The following IRAG1 variants were observed in gnomAD, a reference collection of about 807,000 sequenced individuals.
IRAG1 encodes IP3R-associated cGMP kinase substrate.
IRAG1 carries 62 observed loss-of-function variants against 106.2 expected under a neutral mutation model. The ratio of observed to expected loss-of-function variants is 0.58; its 90% CI spans 0.48 to 0.72. The LOEUF (loss-of-function observed/expected upper bound fraction) is 0.72, where lower values mean the gene tolerates loss of function less well. Among genes scored for constraint, IRAG1 ranks in the 30% least tolerant of loss-of-function variants. The pLI, the probability that IRAG1 is intolerant of heterozygous loss-of-function variation, is 0.00. For missense variants in IRAG1, 1,064 were observed against 1,140.7 expected (o/e 0.93, Z 0.97); for synonymous variants, 462 against 443.9 (o/e 1.04, Z -0.51).
chr11:10,680,366 A>AAGGAAGG, intron 1 of IRAG1, among the ~76,000 whole-genome samples: 1 of 94,412 alleles, frequency 1.1e-5, no homozygotes, highest in East Asian at 5.3e-4. Flanking sequence ...AGAAAGAAAG[A>AAGGAAGG]AAGAAGGAAG....
At chr11:10,677,040 A>C (rs1242815863) in intron 1 of IRAG1, among the ~76,000 whole-genome samples, 1 of 152,176 alleles carries the variant, frequency 6.6e-6, no homozygotes, top group Non-Finnish European at 1.5e-5. Context: ...ATCATGTCCC[A>C]ACTTCCTCAG....
At chr11:10,692,121 T>G (rs1193962361) in intron 1 of IRAG1, among the ~76,000 whole-genome samples, 1 of 152,166 alleles carries the variant, frequency 6.6e-6, no homozygotes, top group African/African-American at 2.4e-5. Context: ...GATACAGGAA[T>G]GCCTCCCTTA....
chr11:10,601,236 G>A (rs897941930), intron 14 of IRAG1, among the ~76,000 whole-genome samples, 177 bp from the exon 15 acceptor site: 1 of 152,212 alleles, frequency 6.6e-6, no homozygotes, highest in Admixed American at 6.5e-5. Context: ...CAGCACCTGC[G>A]CTTAGGGAGA....
intron 1 of IRAG1, among the ~76,000 whole-genome samples, chr11:10,670,876 C>A (rs759099112): frequency 3.3e-4 from 50 of 152,176 alleles, no homozygotes; most frequent in Non-Finnish European, 6.6e-4. Flanking sequence ...GAAACCAGAC[C>A]TGCTGATACC....
intron 1 of IRAG1, among the ~76,000 whole-genome samples, chr11:10,667,080 G>A (rs528773529): frequency 9.2e-5 from 14 of 152,216 alleles, no homozygotes; most frequent in South Asian, 2.1e-4. Flanking sequence ...ATAGAATGTA[G>A]AGGAATGTAG....
chr11:10,580,353 G>C, intron 20 of IRAG1, 102 bp downstream of exon 20: 1 of 1,526,840 alleles, frequency 6.5e-7, no homozygotes, highest in South Asian at 1.3e-5. Context: ...CAGATTCACT[G>C]CTGCCCTGGA....
At chr11:10,616,052 T>G (rs1050902365) in intron 10 of IRAG1, among the ~76,000 whole-genome samples, 10 of 151,690 alleles carry the variant, frequency 6.6e-5, no homozygotes, top group African/African-American at 2.2e-4. Context: ...TCGCCTGTAA[T>G]CTCAGCCCTT....
intron 10 of IRAG1, among the ~76,000 whole-genome samples, chr11:10,612,643 T>C (rs972088940): frequency 6.7e-6 from 1 of 150,032 alleles, no homozygotes; most frequent in African/African-American, 2.5e-5. Flanking sequence ...AAAAATACTA[T>C]AGACAAAAGA....
chr11:10,616,307 A>T (rs1022738189), intron 10 of IRAG1, among the ~76,000 whole-genome samples: 17 of 147,522 alleles, frequency 1.2e-4, no homozygotes, highest in African/African-American at 4.0e-4. Context: ...AAAAAAAAAG[A>T]AAAATCCACT....
chr11:10,626,275 T>C lies in IRAG1; in HGVS notation c.1059A>G (p.Ala353=). ...CCTGGGAGGCTGGGGGACCCACTCC[T>C]GCCGCATCCTGGGTTGGACTTCTCG... ...PLPRSPTQDA[A]GVGPPASQGR... The change falls in exon 9 of 21, where the codon GCA becomes GCG. Residue 353 remains alanine, a synonymous_variant. Coordinates refer to ENST00000423302, the MANE Select transcript of IRAG1 (RefSeq NM_130385.4). 6.2e-7 allele frequency: 1 copy of C among 1,611,838 alleles called. No individual in the cohort carries two copies. Among genetic ancestry groups the C allele is most frequent in the Non-Finnish European group, 8.5e-7 (1 of 1,178,862 alleles).
chr11:10,634,625 A>G (rs1179495275), intron 2 of IRAG1, among the ~76,000 whole-genome samples: 1 of 152,092 alleles, frequency 6.6e-6, no homozygotes, highest in Non-Finnish European at 1.5e-5. Context: ...GATTCTACAT[A>G]TAAGTGAGAT....
intron 1 of IRAG1, among the ~76,000 whole-genome samples, chr11:10,689,230 G>A (rs2135272097): frequency 6.6e-6 from 1 of 152,214 alleles, no homozygotes; most frequent in South Asian, 2.1e-4. Context: ...GAAAGATGGT[G>A]AAGGCATATG....
In IRAG1 at chr11:10,688,186, C is replaced by T. The variant is rs183684675; in HGVS notation, c.67+5350G>A. ...CATATTACAGGAGAAGAAACTGAAG[C>T]GCCAACAGATTAGGTGCAGCTCAAG... On this transcript the variant is annotated intron_variant, in intron 1 of 20. Coordinates refer to ENST00000423302, the MANE Select transcript of IRAG1 (RefSeq NM_130385.4). Among the ~76,000 whole-genome samples the T allele has an allele frequency of 6.4e-4, 98 of 152,008 alleles. 1 individual carries two copies. Among genetic ancestry groups the T allele is most frequent in the African/African-American group, 2.3e-3 (95 of 41,444 alleles).
intron 1 of IRAG1, 142 bp downstream of exon 1, chr11:10,693,394 A>G: frequency 7.0e-7 from 1 of 1,421,386 alleles, no homozygotes; most frequent in East Asian, 2.5e-5. Flanking sequence ...CTCAGCTGAA[A>G]TGCCACCCAA....
rs1564887487 is a variant in IRAG1 at position 10,580,514 on chromosome 11, ACT to A, written c.2434_2435del (p.Pro813Ter). ...CTTCTACCTCTTCAGGTTCCTCAGG[ACT>A]CTCACTCTTCTGTTCTTCCTCCTCC... Reference protein sequence around the residue: ...KEEEEEQKSESPEEPEEVEET... With the variant: ...KEEEEEQKSEXPEEPEEVEET... On this transcript the variant is annotated frameshift_variant, in exon 20 of 21. Coordinates refer to ENST00000423302, the MANE Select transcript of IRAG1 (RefSeq NM_130385.4). LOFTEE classifies it high-confidence loss of function. 2 of 1,613,310 alleles carry A rather than the reference ACT, an allele frequency of 1.2e-6. No homozygotes were observed. Among genetic ancestry groups the A allele is most frequent in the Non-Finnish European group, 1.7e-6 (2 of 1,179,724 alleles).
intron 1 of IRAG1, among the ~76,000 whole-genome samples, chr11:10,687,101 A>G (rs1310652005): frequency 6.6e-6 from 1 of 152,194 alleles, no homozygotes; most frequent in Admixed American, 6.5e-5. Flanking sequence ...ATGAGGATTG[A>G]TTAACTGGAA....
In IRAG1 at chr11:10,576,182, C is replaced by T; in HGVS notation, c.*150G>A. On this transcript the variant is annotated 3_prime_UTR_variant, in exon 21 of 21. Transcript: ENST00000423302. ...TCAAGTCACTGTGTATGAATAGCTC[C>T]CACAGAAGTGCCGAGTGTTAAAAGA... 2.0e-6 allele frequency: 2 copies of T among 982,006 alleles called. No individual in the cohort carries two copies. The highest frequency in any genetic ancestry group is 3.0e-6 in the Non-Finnish European group (2 of 675,726). The allele number at this position is 982,006 out of a possible 1,614,324, so 60.8% of individuals were successfully genotyped here.
intron 10 of IRAG1, among the ~76,000 whole-genome samples, chr11:10,619,858 G>A (rs1246508249): frequency 6.6e-6 from 1 of 152,186 alleles, no homozygotes. Context: ...ATGAGAGGGA[G>A]TGTATATTGT....
chr11:10,604,590 G>A (rs1029420874), intron 12 of IRAG1, 45 bp from the exon 13 acceptor site: 1 of 1,612,146 alleles, frequency 6.2e-7, no homozygotes, highest in African/African-American at 1.3e-5. Context: ...AGGAGTTACT[G>A]CAGAGGACAA....
Sources: allele counts gnomAD v4.1 joint callset (sites outside exome capture counted in the v4.1 genomes callset), GRCh38; gene constraint gnomAD v4.1.1; transcripts MANE v1.5; gene names NCBI Gene and HGNC (gene_info 2026-07-23, HGNC 2026-07-21).